Variants in SLC26A2 observed in about 807,000 individuals in gnomAD.
The protein encoded by SLC26A2 is solute carrier family 26 member 2.
A neutral mutation model predicts 41.1 loss-of-function variants in SLC26A2; 36 were observed. The ratio of observed to expected loss-of-function variants is 0.88; its 90% confidence interval spans 0.67 to 1.16. SLC26A2 has a LOEUF of 1.16. Ranked by LOEUF, SLC26A2 falls within the 50% of genes most tolerant of loss-of-function variation. SLC26A2 has a pLI of 0.00. For synonymous variants in SLC26A2, 291 were observed against 311.6 expected, an observed-to-expected ratio of 0.93 and a Z score of 0.70; for missense variants, 796 against 869.6, an observed-to-expected ratio of 0.92 and a Z score of 1.07.
At position 149,981,021 on chromosome 5, in the gene SLC26A2, T is replaced by C. The variant is rs1272709022; in HGVS notation, c.1428T>C (p.Tyr476=). ...TCCTAGTAATAGCTCCTTTGTTCTA[T>C]TCCCTTCAAAAAAGTGTCCTTGGTG... The part of the protein sequence containing the change: ...LVLLVIAPLF[Y]SLQKSVLGVI... The change falls in exon 3 of 3, where the codon TAT becomes TAC. Residue 476 remains tyrosine, a synonymous_variant. Coordinates refer to ENST00000286298, the MANE Select transcript of SLC26A2 (RefSeq NM_000112.4). 6.2e-7 allele frequency: 1 copy of C among 1,614,168 alleles called. No individual in the cohort carries two copies. The highest frequency in any genetic ancestry group is 8.5e-7 in the Non-Finnish European group (1 of 1,180,004).
rs1177708640 is a variant in SLC26A2, at chr5:149,980,688, C to A, written c.1095C>A (p.Pro365=). ...ATTCTAGTATTGCTGGACATATTCC[C>A]ACTGGGTTTATGCCACCCAAAGTAC... The part of the protein sequence containing the change: ...NYNSSIAGHI[P]TGFMPPKVPE... Residue 365 remains proline, a synonymous_variant, in exon 3 of 3, where the codon CCC becomes CCA. Transcript: ENST00000286298. 6.2e-7 allele frequency: 1 copy of A among 1,614,006 alleles called. No individual in the cohort carries two copies. The highest frequency in any genetic ancestry group is 8.5e-7 in the Non-Finnish European group (1 of 1,179,982).
chr5:149,977,452 C>CT (rs988361371), intron 1 of SLC26A2, among the ~76,000 whole-genome samples, 176 bp from the exon 2 acceptor site: 5 of 151,530 alleles, frequency 3.3e-5, no homozygotes, highest in South Asian at 4.2e-4. Flanking sequence ...TGGTTCTGGT[C>CT]TTTTTTTTTC....
chr5:149,966,431 T>C (rs1754806706), intron 1 of SLC26A2, among the ~76,000 whole-genome samples: 1 of 152,226 alleles, frequency 6.6e-6, no homozygotes, highest in Non-Finnish European at 1.5e-5. Flanking sequence ...GATTGTGTTA[T>C]GTGTTAAAAG....
intron 1 of SLC26A2, among the ~76,000 whole-genome samples, chr5:149,961,770 A>G (rs1362066696): frequency 6.6e-6 from 1 of 152,144 alleles, no homozygotes; most frequent in African/African-American, 2.4e-5. Context: ...TAGATTAAGC[A>G]GAACTTTTTG....
intron 1 of SLC26A2, among the ~76,000 whole-genome samples, chr5:149,971,186 C>T (rs1396735546): frequency 6.6e-6 from 1 of 152,128 alleles, no homozygotes; most frequent in African/African-American, 2.4e-5. Flanking sequence ...AGGGCAAGGG[C>T]CTGGAAAGTA....
intron 1 of SLC26A2, among the ~76,000 whole-genome samples, chr5:149,970,440 G>C (rs1267290549): frequency 6.6e-6 from 1 of 152,156 alleles, no homozygotes. Flanking sequence ...GGGCCTAGGA[G>C]TTCAAGGCTG....
Position 149,981,488 on chromosome 5 carries a change from A to G in SLC26A2, c.1895A>G (p.Gln632Arg). 1 of 1,614,194 alleles carries G rather than the reference A, an allele frequency of 6.2e-7. No individual in the cohort carries two copies. The highest frequency in any genetic ancestry group is 8.5e-7 in the Non-Finnish European group (1 of 1,180,004). Residue 632 changes from glutamine to arginine, a missense_variant, in exon 3 of 3, where the codon CAG becomes CGG. Physicochemically the swap from Gln to Arg is conservative, Grantham distance 43 (BLOSUM62 1). Coordinates refer to ENST00000286298, the MANE Select transcript of SLC26A2 (RefSeq NM_000112.4). ...AAAGTAGTGACTCTTGGTGGAATCC[A>G]GGATGAAATGTCAGTGCAACTTTCC... ...KEKVVTLGGI[Q>R]DEMSVQLSHD...
chr5:149,981,471 G>C lies in SLC26A2; in HGVS notation c.1878G>C (p.Val626=). 6.2e-7 allele frequency: 1 copy of C among 1,614,132 alleles called. No individual in the cohort carries two copies. Among genetic ancestry groups the C allele is most frequent in the Non-Finnish European group, 8.5e-7 (1 of 1,180,004 alleles). Residue 626 remains valine, a synonymous_variant, in exon 3 of 3, where the codon GTG becomes GTC. Transcript: ENST00000286298. ...AGAGAAAGATCAAAGAAAAAGTAGTGACTCTTGGTGGAATCCAGGATGAAA... is the reference window on the plus strand; with the variant it reads ...AGAGAAAGATCAAAGAAAAAGTAGTCACTCTTGGTGGAATCCAGGATGAAA... ...AAKRKIKEKV[V]TLGGIQDEMS...
intron 1 of SLC26A2, among the ~76,000 whole-genome samples, chr5:149,964,771 T>C (rs918075791): frequency 2.6e-5 from 4 of 151,962 alleles, no homozygotes; most frequent in African/African-American, 7.3e-5. Flanking sequence ...AGTGAGACTC[T>C]GTCTCAAAAA....
rs1755129589 is a variant in SLC26A2, at chr5:149,982,604, T to C, written c.*791T>C. On this transcript the variant is annotated 3_prime_UTR_variant, in exon 3 of 3. Coordinates refer to ENST00000286298, the MANE Select transcript of SLC26A2 (RefSeq NM_000112.4). ...ATCTCTGTCCTTGTTTCTGAGACTT[T>C]CTCTACCATTAAGCTCTATTTTAGC... 6.6e-6 allele frequency: 1 copy of C among 152,208 alleles called. No individual in the cohort carries two copies. Among genetic ancestry groups the C allele is most frequent in the Non-Finnish European group, 1.5e-5 (1 of 68,036 alleles). 9.4% of individuals were successfully genotyped at this position (152,208 alleles called of 1,614,324 possible). A position where few individuals can be genotyped will look rare whatever the true frequency, so the allele number is the denominator to read the frequency against.
chr5:149,977,755 T>A lies in SLC26A2; in HGVS notation c.103T>A (p.Ser35Thr). The A allele has an allele frequency of 6.2e-7, 1 of 1,613,838 alleles. No homozygotes were observed. The highest frequency in any genetic ancestry group is 8.5e-7 in the Non-Finnish European group (1 of 1,179,752). The change falls in exon 2 of 3, where the codon TCA (serine) becomes ACA (threonine). Residue 35 changes from serine to threonine, a missense_variant. Physicochemically the swap from Ser to Thr is moderately conservative, Grantham distance 58. Coordinates refer to ENST00000286298, the MANE Select transcript of SLC26A2 (RefSeq NM_000112.4). Reference protein sequence around the residue: ...SGIHLELQRESSTDFKQFETN... With the variant: ...SGIHLELQRETSTDFKQFETN... Reference sequence around the variant, plus strand: ...GATCCATCTGGAACTTCAAAGGGAATCAAGTACTGACTTCAAGCAATTTGA... The same window carrying A: ...GATCCATCTGGAACTTCAAAGGGAAACAAGTACTGACTTCAAGCAATTTGA...
At position 149,980,678 on chromosome 5, in the gene SLC26A2, G is replaced by T. The variant is rs1215069127; in HGVS notation, c.1085G>T (p.Gly362Val). ...GAAAATTATAATTCTAGTATTGCTG[G>T]ACATATTCCCACTGGGTTTATGCCA... ...LHENYNSSIA[G>V]HIPTGFMPPK... Residue 362 changes from glycine to valine, a missense_variant, in exon 3 of 3, where the codon GGA (glycine) becomes GTA (valine). Transcript: ENST00000286298. 18 of 1,613,880 alleles carry T rather than the reference G, an allele frequency of 1.1e-5. No homozygotes were observed. Among genetic ancestry groups the T allele is most frequent in the Non-Finnish European group, 1.5e-5 (18 of 1,179,982 alleles).
chr5:149,967,269 A>G (rs1273751936), intron 1 of SLC26A2, among the ~76,000 whole-genome samples: 1 of 152,212 alleles, frequency 6.6e-6, no homozygotes, highest in Non-Finnish European at 1.5e-5. Flanking sequence ...TAATTGACAT[A>G]CAATAAGCTG....
At position 149,986,810 on chromosome 5, in the gene SLC26A2, G is replaced by A. The variant is rs1481950056; in HGVS notation, c.*4997G>A. 6.6e-6 allele frequency: 1 copy of A among 152,184 alleles called. No homozygotes were observed. Among genetic ancestry groups the A allele is most frequent in the Non-Finnish European group, 1.5e-5 (1 of 68,030 alleles). 9.4% of individuals were successfully genotyped at this position (152,184 alleles called of 1,614,324 possible). On this transcript the variant is annotated 3_prime_UTR_variant, in exon 3 of 3. Coordinates refer to ENST00000286298, the MANE Select transcript of SLC26A2 (RefSeq NM_000112.4). ...GCTTTAATCAACTTATTTTGGAGAT[G>A]TTCTCTTCCCTTATCTCATGCGTCA...
rs766786843 is a variant in SLC26A2, at chr5:149,984,543, C to T, written c.*2730C>T. 1 of 152,264 alleles carries T rather than the reference C, an allele frequency of 6.6e-6. No homozygotes were observed. Among genetic ancestry groups the T allele is most frequent in the Non-Finnish European group, 1.5e-5 (1 of 68,094 alleles). 9.4% of individuals were successfully genotyped at this position (152,264 alleles called of 1,614,324 possible). A position where few individuals can be genotyped will look rare whatever the true frequency, so the allele number is the denominator to read the frequency against. On this transcript the variant is annotated 3_prime_UTR_variant, in exon 3 of 3. Transcript: ENST00000286298. ...GGGCATGGTGGCACGCGCCTGTAGT[C>T]CCAGCTACTCAGGAGGCTGAGGCAG...
chr5:149,971,057 T>C (rs1196998083), intron 1 of SLC26A2, among the ~76,000 whole-genome samples: 1 of 152,250 alleles, frequency 6.6e-6, no homozygotes, highest in Non-Finnish European at 1.5e-5. Context: ...AGGACATTAA[T>C]GGAGTAAGCA....
chr5:149,976,979 C>T (rs906158964), intron 1 of SLC26A2, among the ~76,000 whole-genome samples: 3 of 152,224 alleles, frequency 2.0e-5, no homozygotes, highest in African/African-American at 7.2e-5. Flanking sequence ...ATTCAGCACC[C>T]TCATATTGAC....
In SLC26A2 at chr5:149,981,961, G is replaced by A; in HGVS notation, c.*148G>A. On this transcript the variant is annotated 3_prime_UTR_variant, in exon 3 of 3. Coordinates refer to ENST00000286298, the MANE Select transcript of SLC26A2 (RefSeq NM_000112.4). ...TCCTCCTTTGAAGCTAATGGCATTTGTATATACACACTGCAGCAGAGCTTG... is the reference window on the plus strand; with the variant it reads ...TCCTCCTTTGAAGCTAATGGCATTTATATATACACACTGCAGCAGAGCTTG... 1 of 623,918 alleles carries A rather than the reference G, an allele frequency of 1.6e-6. No homozygotes were observed. Among genetic ancestry groups the A allele is most frequent in the Non-Finnish European group, 2.8e-6 (1 of 356,114 alleles). 38.6% of individuals were successfully genotyped at this position (623,918 alleles called of 1,614,324 possible).
intron 1 of SLC26A2, among the ~76,000 whole-genome samples, chr5:149,964,307 C>G (rs1754766143): frequency 1.3e-5 from 2 of 152,000 alleles, no homozygotes; most frequent in African/African-American, 4.8e-5. Flanking sequence ...GCCTGGACAA[C>G]ACGGCGAAAA....
Sources: allele counts gnomAD v4.1 joint callset (sites outside exome capture counted in the v4.1 genomes callset), GRCh38; gene constraint gnomAD v4.1.1; transcripts MANE v1.5; gene names NCBI Gene and HGNC (gene_info 2026-07-23, HGNC 2026-07-21).